GPA33: variants seen among roughly 807,000 people sequenced by gnomAD.
GPA33 encodes glycoprotein A33, also known as cell surface A33 antigen.
A neutral mutation model predicts 35.6 loss-of-function variants in GPA33; 27 were observed. The observed-to-expected ratio is 0.76, with a 90% CI of 0.56 to 1.04. The LOEUF is 1.04. GPA33 is among the 50% of genes least tolerant of loss of function. The pLI is 0.00. For synonymous variants in GPA33, 176 were observed against 164.0 expected (o/e 1.07, Z -0.56); for missense variants, 428 against 411.9 (o/e 1.04, Z -0.34).
chr1:167,075,457 T>C (rs1004999796), intron 1 of GPA33, among the ~76,000 whole-genome samples: 2 of 152,182 alleles, frequency 1.3e-5, no homozygotes, highest in Non-Finnish European at 2.9e-5. Context: ...GAGTCAGGAA[T>C]AGACAGAAGG....
chr1:167,056,826 T>TGATG (rs1666307397), intron 4 of GPA33, among the ~76,000 whole-genome samples: 2 of 3,526 alleles, frequency 5.7e-4, no homozygotes, highest in African/African-American at 1.1e-3. Flanking sequence ...GCAGCGTTTG[T>TGATG]AGTGTGTGTG....
intron 2 of GPA33, among the ~76,000 whole-genome samples, chr1:167,069,508 C>T (rs948028562): frequency 6.6e-6 from 1 of 152,206 alleles, no homozygotes; most frequent in Non-Finnish European, 1.5e-5. Context: ...TCAGTATTTA[C>T]TGAGCACCTT....
chr1:167,066,457 C>T (rs1480468307), intron 3 of GPA33, among the ~76,000 whole-genome samples: 2 of 152,114 alleles, frequency 1.3e-5, no homozygotes, highest in South Asian at 2.1e-4. Context: ...AGCCTTAGGG[C>T]GGAATGTGTC....
chr1:167,054,212 A>T lies in GPA33; in HGVS notation c.*122T>A. On this transcript the variant is annotated 3_prime_UTR_variant, in exon 7 of 7. Coordinates refer to ENST00000367868, the MANE Select transcript of GPA33 (RefSeq NM_005814.3). ...CCCCACAGCTGACACTGGGGAAGAA[A>T]TGTCCCCATCAATGTCTGGGATGGA... 1 of 1,262,972 alleles carries T rather than the reference A, an allele frequency of 7.9e-7. No individual in the cohort carries two copies. The highest frequency in any genetic ancestry group is 1.3e-5 in the South Asian group (1 of 74,564). 78.2% of individuals were successfully genotyped at this position (1,262,972 alleles called of 1,614,324 possible).
Position 167,073,552 on chromosome 1 carries a change from T to G in GPA33, c.44-13A>C, listed in dbSNP as rs751206651. Reference sequence around the variant, plus strand: ...ACGGTCACCCTGACTGGAAAGAAAGTAGGCAGTGGAAGGGAAAAGTAAGCG... The same window carrying G: ...ACGGTCACCCTGACTGGAAAGAAAGGAGGCAGTGGAAGGGAAAAGTAAGCG... On this transcript the variant is annotated splice_polypyrimidine_tract_variant and intron_variant, in intron 1 of 6. Coordinates refer to ENST00000367868, the MANE Select transcript of GPA33 (RefSeq NM_005814.3). 6 of 1,611,678 alleles carry G rather than the reference T, an allele frequency of 3.7e-6. No homozygotes were observed.
intron 2 of GPA33, among the ~76,000 whole-genome samples, chr1:167,070,813 A>C (rs1362560334): frequency 1.3e-5 from 2 of 152,202 alleles, no homozygotes; most frequent in African/African-American, 4.8e-5. Flanking sequence ...CACCAATGAG[A>C]CCATGAAGCC....
intron 1 of GPA33, among the ~76,000 whole-genome samples, chr1:167,076,477 T>G (rs1326739543): frequency 6.6e-6 from 1 of 152,170 alleles, no homozygotes; most frequent in African/African-American, 2.4e-5. Context: ...CTGGGAAGAC[T>G]CCACTATCCA....
chr1:167,073,129 G>A (rs191794698), intron 2 of GPA33, among the ~76,000 whole-genome samples: 515 of 152,198 alleles, frequency 3.4e-3, no homozygotes, highest in Non-Finnish European at 5.3e-3. Context: ...TGACTGACTC[G>A]CATGATACAA....
In GPA33 at chr1:167,090,340, C is replaced by T. The variant is rs1419341691; in HGVS notation, c.-53G>A. 6 of 1,453,708 alleles carry T rather than the reference C, an allele frequency of 4.1e-6. No individual in the cohort carries two copies. In the Admixed American group the frequency reaches 8.4e-5, roughly 20 times the overall value. The allele number at this position is 1,453,708 out of a possible 1,614,324, so 90.1% of individuals were successfully genotyped here. ...TAACCTGTCACTGGCAGCCTCCAGA[C>T]AGGTCTGAGCTGTCTGGTTAAAGCT... On this transcript the variant is annotated 5_prime_UTR_variant, in exon 1 of 7. Transcript: ENST00000367868.
chr1:167,060,683 A>T (rs534733450), intron 4 of GPA33, among the ~76,000 whole-genome samples: 1 of 152,310 alleles, frequency 6.6e-6, no homozygotes, highest in Admixed American at 6.5e-5. Context: ...CAACCAGAAG[A>T]GTCTCCCTGT....
intron 1 of GPA33, among the ~76,000 whole-genome samples, chr1:167,081,888 C>T (rs1199864018): frequency 1.3e-5 from 2 of 152,156 alleles, no homozygotes; most frequent in Non-Finnish European, 2.9e-5. Context: ...CCTAATAAGG[C>T]CTTGTTGATT....
At chr1:167,056,728 A>ATGTGGTGTGTGTGG (rs1558001955) in intron 4 of GPA33, among the ~76,000 whole-genome samples, 21 of 4,890 alleles carry the variant, frequency 4.3e-3, no homozygotes, top group East Asian at 0.024. Context: ...GTAGTGTGTG[A>ATGTGGTGTGTGTGG]TGTATGTGGT....
intron 4 of GPA33, among the ~76,000 whole-genome samples, chr1:167,059,438 C>T (rs1196855460): frequency 1.3e-5 from 2 of 152,116 alleles, no homozygotes; most frequent in African/African-American, 4.8e-5. Context: ...CTCACCAAGA[C>T]GCTAATGTCA....
At chr1:167,070,746 G>A (rs1028399785) in intron 2 of GPA33, among the ~76,000 whole-genome samples, 3 of 152,184 alleles carry the variant, frequency 2.0e-5, no homozygotes, top group Non-Finnish European at 4.4e-5. Flanking sequence ...CTCAGATAAG[G>A]TTGTGGCAAT....
At chr1:167,084,768 G>A (rs1667018104) in intron 1 of GPA33, among the ~76,000 whole-genome samples, 1 of 152,192 alleles carries the variant, frequency 6.6e-6, no homozygotes, top group Non-Finnish European at 1.5e-5. Flanking sequence ...AAAGCATAAA[G>A]CAAAGACAAG....
chr1:167,058,463 C>T (rs950271920), intron 4 of GPA33: 2 of 152,138 alleles, frequency 1.3e-5, no homozygotes, highest in African/African-American at 4.8e-5. Flanking sequence ...GTTTTAATCT[C>T]ATCCAAAGGG....
intron 3 of GPA33, among the ~76,000 whole-genome samples, chr1:167,066,156 C>T (rs1666588873): frequency 6.6e-6 from 1 of 152,180 alleles, no homozygotes; most frequent in African/African-American, 2.4e-5. Context: ...CCAATCCCAC[C>T]TGAGGAGTCC....
intron 4 of GPA33, among the ~76,000 whole-genome samples, chr1:167,057,342 T>G (rs1666329543): frequency 6.6e-6 from 1 of 152,102 alleles, no homozygotes; most frequent in African/African-American, 2.4e-5. Context: ...AGATGCTTTG[T>G]TATAACTGCT....
intron 1 of GPA33, among the ~76,000 whole-genome samples, chr1:167,079,462 C>T (rs1039238916): frequency 8.4e-5 from 12 of 142,484 alleles, no homozygotes; most frequent in African/African-American, 2.1e-4. Context: ...ACAGCCTGGG[C>T]GACAGAGCGA....
Sources: gnomAD v4.1 joint callset for allele counts (sites outside exome capture counted in the v4.1 genomes callset) on GRCh38, gnomAD v4.1.1 for gene constraint, MANE v1.5 for transcripts, NCBI Gene and HGNC (gene_info 2026-07-23, HGNC 2026-07-21) for gene names.